STS: variants seen among roughly 807,000 people sequenced by gnomAD.
STS encodes the protein steroid sulfatase, also known as steryl-sulfatase.
Under a neutral mutation model 26.8 loss-of-function variants are expected in STS, and 7 were observed. The observed-to-expected ratio is 0.26, with a 90% CI of 0.15 to 0.49. The LOEUF is 0.49. Among genes scored for constraint, STS ranks in the 20% least tolerant of loss-of-function variants. The pLI is 0.98. For synonymous variants in STS, 199 were observed against 189.4 expected (o/e 1.05, Z -0.42); for missense variants, 434 against 465.6 (o/e 0.93, Z 0.63).
rs1458596440 is a variant in STS, at chrX:7,148,049, C to T, written c.-168C>T. On this transcript the variant is annotated 5_prime_UTR_variant, in exon 1 of 11. Coordinates refer to ENST00000674429, the MANE Select transcript of STS (RefSeq NM_001320752.2). ...ACTGGAGGCGGCGGCTGCACACTAC[C>T]CACCCAGAAGAAGTCCGTCCATGTC... 4 of 1,135,870 alleles carry T rather than the reference C, an allele frequency of 3.5e-6. No homozygotes were observed. In the African/African-American group the frequency reaches 7.6e-5, roughly 22 times the overall value. The allele number at this position is 1,135,870 out of a possible 1,213,427, so 93.6% of individuals were successfully genotyped here. A position where few individuals can be genotyped will look rare whatever the true frequency, so the allele number is the denominator to read the frequency against.
intron 9 of STS, among the ~76,000 whole-genome samples, chrX:7,330,019 T>C (rs1349342300): frequency 1.8e-5 from 2 of 111,896 alleles, no homozygotes; most frequent in Non-Finnish European, 3.8e-5. Context: ...AGTGAATTTT[T>C]CCTTCATATG....
chrX:7,288,689 A>G (rs1183580861), intron 7 of STS, among the ~76,000 whole-genome samples: 1 of 100,182 alleles, frequency 1.0e-5, no homozygotes, highest in Non-Finnish European at 2.0e-5. Flanking sequence ...TGTGTCTGTG[A>G]TGGACCATGT....
At chrX:7,234,369 A>G (rs771288473) in intron 2 of STS, among the ~76,000 whole-genome samples, 1 of 112,503 alleles carries the variant, frequency 8.9e-6, no homozygotes, top group South Asian at 3.7e-4. Flanking sequence ...TGCATGTCCC[A>G]GACATCCACC....
At chrX:7,153,959 C>T (rs5979062) in intron 1 of STS, among the ~76,000 whole-genome samples, 1,407 of 109,576 alleles carry the variant, frequency 0.013, 25 homozygotes, top group African/African-American at 0.044. Flanking sequence ...CTGTTCTCCT[C>T]CTAAACTCCC....
At position 7,259,335 on chromosome X, in the gene STS, A is replaced by G; in HGVS notation, c.383-14A>G. 8.3e-7 allele frequency: 1 copy of G among 1,208,459 alleles called. No individual in the cohort carries two copies. The highest frequency in any genetic ancestry group is 1.8e-5 in the South Asian group (1 of 56,906). ...TTTATTGGGACTGAAGTGATCCCCC[A>G]TTTGTCTTCTCAGGGAAATGGCACC... On this transcript the variant is annotated splice_polypyrimidine_tract_variant and intron_variant, in intron 5 of 10. Transcript: ENST00000674429.
Position 7,305,188 on chromosome X carries a change from G to T in STS, c.1081+5G>T. ...GAAGTAATGGGATCTATAAAGGTGAGAAATGCTGGGATGGAGAAGCTCTGG... is the reference window on the plus strand; with the variant it reads ...GAAGTAATGGGATCTATAAAGGTGATAAATGCTGGGATGGAGAAGCTCTGG... On this transcript the variant is annotated splice_donor_5th_base_variant and intron_variant, in intron 8 of 10. Coordinates refer to ENST00000674429, the MANE Select transcript of STS (RefSeq NM_001320752.2). 1 of 1,209,499 alleles carries T rather than the reference G, an allele frequency of 8.3e-7. No individual in the cohort carries two copies. The highest frequency in any genetic ancestry group is 1.1e-6 in the Non-Finnish European group (1 of 894,039).
intron 2 of STS, among the ~76,000 whole-genome samples, chrX:7,243,492 C>A (rs759666876): frequency 8.9e-6 from 1 of 111,999 alleles, no homozygotes; most frequent in Admixed American, 9.5e-5. Context: ...GGCTGGTGGC[C>A]TGAGATGAGG....
At position 7,256,652 on chromosome X, in the gene STS, T is replaced by C. The variant is rs141734616; in HGVS notation, c.138-590T>C. 6.3e-5 allele frequency among the ~76,000 whole-genome samples: 7 copies of C among 111,617 alleles called. 1 individual carries two copies. The highest frequency in any genetic ancestry group is 3.8e-4 in the South Asian group (1 of 2,636). On this transcript the variant is annotated intron_variant, in intron 3 of 10. Coordinates refer to ENST00000674429, the MANE Select transcript of STS (RefSeq NM_001320752.2). Reference sequence around the variant, plus strand: ...GGAGAAGAGTGAAGCCTCATCCTCATTCACCCCTTACTTTCCCTCCCTGCA... The same window carrying C: ...GGAGAAGAGTGAAGCCTCATCCTCACTCACCCCTTACTTTCCCTCCCTGCA...
intron 2 of STS, among the ~76,000 whole-genome samples, chrX:7,234,634 T>C (rs753765576): frequency 8.9e-6 from 1 of 111,780 alleles, no homozygotes; most frequent in South Asian, 3.8e-4. Flanking sequence ...GAACCTTGGC[T>C]TCTTTAGAAC....
chrX:7,190,941 C>T lies in STS; in HGVS notation c.-72C>T, dbSNP rs756769834. ...GCCCCTCAGTTGCTGAACCTGCACA[C>T]AGTCATCTCAGTAAGTTAAGATCTT... On this transcript the variant is annotated 5_prime_UTR_variant, in exon 2 of 11. Coordinates refer to ENST00000674429, the MANE Select transcript of STS (RefSeq NM_001320752.2). 4 of 749,000 alleles carry T rather than the reference C, an allele frequency of 5.3e-6. No homozygotes were observed. The South Asian group carries it at 2.8e-4, about 52-fold the overall frequency. 61.7% of individuals were successfully genotyped at this position (749,000 alleles called of 1,213,427 possible).
At chrX:7,171,908 G>A (rs908368368) in intron 1 of STS, among the ~76,000 whole-genome samples, 1 of 111,894 alleles carries the variant, frequency 8.9e-6, no homozygotes, top group African/African-American at 3.2e-5. Flanking sequence ...TGAAAATCAT[G>A]TTTACAAGTT....
intron 2 of STS, among the ~76,000 whole-genome samples, chrX:7,220,588 T>G: frequency 1.1e-5 from 1 of 92,841 alleles, no homozygotes; most frequent in South Asian, 6.2e-4. Context: ...TCGCTCTGTC[T>G]CCCAGGCTGC....
At chrX:7,239,881 C>CTT (rs71893716) in intron 2 of STS, among the ~76,000 whole-genome samples, 5 of 74,869 alleles carry the variant, frequency 6.7e-5, no homozygotes, top group Non-Finnish European at 1.0e-4. Flanking sequence ...TTCTAAGTGG[C>CTT]TTTTTTTTTT....
At chrX:7,344,573 G>A (rs1256651585) in intron 10 of STS, among the ~76,000 whole-genome samples, 1 of 111,560 alleles carries the variant, frequency 9.0e-6, no homozygotes, top group East Asian at 2.8e-4. Flanking sequence ...GCTGGGAAAA[G>A]ACATACCACA....
intron 7 of STS, among the ~76,000 whole-genome samples, chrX:7,282,185 G>T (rs760002807): frequency 2.0e-3 from 221 of 108,265 alleles, no homozygotes; most frequent in African/African-American, 7.0e-3. Context: ...AGTGGTAAAT[G>T]GTTTGTTTGT....
At chrX:7,192,273 A>T (rs1170563977) in intron 2 of STS, among the ~76,000 whole-genome samples, 1 of 111,905 alleles carries the variant, frequency 8.9e-6, no homozygotes, top group Non-Finnish European at 1.9e-5. Context: ...GTAAAAAGCG[A>T]CTTAAAGATG....
intron 1 of STS, among the ~76,000 whole-genome samples, chrX:7,170,651 A>AT (rs1436226306): frequency 9.1e-6 from 1 of 109,824 alleles, no homozygotes; most frequent in Non-Finnish European, 1.9e-5. Context: ...AAATTTAAAA[A>AT]TTTTTTTAAT....
chrX:7,205,269 AGAAAGAATGG>A (rs1362190807), intron 2 of STS, among the ~76,000 whole-genome samples: 4 of 112,520 alleles, frequency 3.6e-5, no homozygotes, highest in African/African-American at 1.3e-4. Flanking sequence ...AGTGAGGAAG[AGAAAGAATGG>A]GAATGTAATT....
chrX:7,296,728 CAA>C (rs777890251), intron 7 of STS, among the ~76,000 whole-genome samples: 11 of 112,365 alleles, frequency 9.8e-5, no homozygotes, highest in African/African-American at 3.6e-4. Context: ...GGAAAACACA[CAA>C]GTTATTGTTA....
Sources: gnomAD v4.1 joint callset for allele counts (sites outside exome capture counted in the v4.1 genomes callset) on GRCh38, gnomAD v4.1.1 for gene constraint, MANE v1.5 for transcripts, NCBI Gene and HGNC (gene_info 2026-07-23, HGNC 2026-07-21) for gene names.